The following RBM47 variants were observed in gnomAD, a reference collection of about 807,000 sequenced individuals.
RBM47 encodes RNA binding motif protein 47.
Under a neutral mutation model 47.1 loss-of-function variants are expected in RBM47, and 21 were observed. The ratio of observed to expected loss-of-function variants is 0.45; its 90% CI spans 0.32 to 0.64. RBM47 has a LOEUF of 0.64. Among genes scored for constraint, RBM47 ranks in the 30% least tolerant of loss-of-function variants. The pLI is 0.05. For synonymous variants in RBM47, 375 were observed against 361.7 expected (o/e 1.04, Z -0.42); for missense variants, 708 against 870.9 (o/e 0.81, Z 2.35).
At chr4:40,489,832 T>C (rs1421675123) in intron 2 of RBM47, among the ~76,000 whole-genome samples, 2 of 152,182 alleles carry the variant, frequency 1.3e-5, no homozygotes, top group African/African-American at 4.8e-5. Context: ...ATTACATGCA[T>C]AGAAAATACA....
rs145179094 is a variant in RBM47, at chr4:40,481,030, G to A, written c.-154-14331C>T. Among the ~76,000 whole-genome samples, 36 of 152,184 alleles carry A rather than the reference G, an allele frequency of 2.4e-4. No individual in the cohort carries two copies. In the East Asian group the frequency reaches 6.8e-3, roughly 29 times the overall value. On this transcript the variant is annotated intron_variant, in intron 2 of 6. Transcript: ENST00000295971. ...GAGCCAGGAGGAACAAGGCAGTCAG[G>A]TTAACAAGGGCTCAGGAAGTGTGTG...
chr4:40,608,481 A>G (rs1735960782), intron 1 of RBM47, among the ~76,000 whole-genome samples: 2 of 152,248 alleles, frequency 1.3e-5, no homozygotes, highest in Non-Finnish European at 2.9e-5. Context: ...CAGGCTCTAA[A>G]TTACCAACCT....
In RBM47 at chr4:40,425,575, T is replaced by G. The variant is rs1331082357; in HGVS notation, c.*329A>C. 3 of 190,510 alleles carry G rather than the reference T, an allele frequency of 1.6e-5. No homozygotes were observed. The highest frequency in any genetic ancestry group is 3.3e-5 in the Non-Finnish European group (3 of 90,942). 11.8% of individuals were successfully genotyped at this position (190,510 alleles called of 1,614,324 possible). A position where few individuals can be genotyped will look rare whatever the true frequency, so the allele number is the denominator to read the frequency against. On this transcript the variant is annotated 3_prime_UTR_variant, in exon 7 of 7. Transcript: ENST00000295971. ...CTCTGGAGTGCAGAAGTTAAGAAAA[T>G]AACCTTCATACTGAAAATATATCCT... is the stretch of plus-strand genomic sequence containing the variant.
intron 1 of RBM47, among the ~76,000 whole-genome samples, chr4:40,563,861 G>GA (rs1730854274): frequency 6.6e-6 from 1 of 152,190 alleles, no homozygotes; most frequent in East Asian, 1.9e-4. Flanking sequence ...TGAAAGTTAT[G>GA]AAAAATATAT....
chr4:40,603,711 C>A (rs4861280), intron 1 of RBM47, among the ~76,000 whole-genome samples: 29,550 of 152,032 alleles, frequency 0.19, 3,381 homozygotes, highest in Admixed American at 0.28. Context: ...AAGTGCTACT[C>A]CCACCTCAGC....
chr4:40,425,099 CGGTGG>C lies in RBM47; in HGVS notation c.*800_*804del, dbSNP rs1714841414. ...TCAGTCCTAGGCTTGCCAAACATTG[CGGTGG>C]GATTGGGAATCTGGGGAGGAGGGGA... On this transcript the variant is annotated 3_prime_UTR_variant, in exon 7 of 7. Coordinates refer to ENST00000295971, the MANE Select transcript of RBM47 (RefSeq NM_001098634.2). 6.6e-6 allele frequency: 1 copy of C among 152,360 alleles called. No homozygotes were observed. Among genetic ancestry groups the C allele is most frequent in the Admixed American group, 6.6e-5 (1 of 15,254 alleles). 9.4% of individuals were successfully genotyped at this position (152,360 alleles called of 1,614,324 possible).
intron 1 of RBM47, among the ~76,000 whole-genome samples, chr4:40,546,918 T>C (rs956433461): frequency 1.3e-5 from 2 of 152,170 alleles, no homozygotes; most frequent in African/African-American, 2.4e-5. Flanking sequence ...AAAAAGGGTA[T>C]GGATTTCCAA....
Position 40,454,095 on chromosome 4 carries a change from G to A in RBM47, c.-32+12482C>T, listed in dbSNP as rs568831417. On this transcript the variant is annotated intron_variant, in intron 3 of 6. Transcript: ENST00000295971. ...GTTGGCACATAATCCACAGCCATTC[G>A]TTTACATATAGTCTGTGGCTGCATT... 1.7e-4 allele frequency among the ~76,000 whole-genome samples: 26 copies of A among 152,258 alleles called. 1 individual carries two copies. The South Asian group carries it at 3.5e-3, about 21-fold the overall frequency.
chr4:40,431,185 G>C (rs966470371), intron 6 of RBM47, among the ~76,000 whole-genome samples: 6 of 152,186 alleles, frequency 3.9e-5, no homozygotes, highest in African/African-American at 1.4e-4. Flanking sequence ...CTGCCTCACA[G>C]AAAACAGCTT....
chr4:40,603,289 G>A (rs2154277772), intron 1 of RBM47, among the ~76,000 whole-genome samples: 1 of 152,174 alleles, frequency 6.6e-6, no homozygotes, highest in Admixed American at 6.5e-5. Flanking sequence ...ATAGTTGTTT[G>A]TTCTCATTTT....
At chr4:40,434,135 G>A (rs1284394964) in intron 5 of RBM47, among the ~76,000 whole-genome samples, 1 of 152,170 alleles carries the variant, frequency 6.6e-6, no homozygotes, top group East Asian at 1.9e-4. Flanking sequence ...AAATAGGACA[G>A]ACTCAATCAA....
At chr4:40,590,299 A>C (rs1215525651) in intron 1 of RBM47, among the ~76,000 whole-genome samples, 1 of 152,142 alleles carries the variant, frequency 6.6e-6, no homozygotes, top group African/African-American at 2.4e-5. Flanking sequence ...AGAGGATGAC[A>C]CAGGAGGATT....
At chr4:40,442,274 C>A (rs1024156998) in intron 3 of RBM47, among the ~76,000 whole-genome samples, 1 of 152,122 alleles carries the variant, frequency 6.6e-6, no homozygotes, top group Admixed American at 6.6e-5. Context: ...TCTCTTACAC[C>A]AACTACAAGT....
chr4:40,610,539 G>T (rs551791784), intron 1 of RBM47, among the ~76,000 whole-genome samples: 1 of 151,088 alleles, frequency 6.6e-6, no homozygotes, highest in Non-Finnish European at 1.5e-5. Context: ...GAACCCGGGC[G>T]GTGGAGCTTG....
chr4:40,429,242 T>C (rs1305774595), intron 6 of RBM47, among the ~76,000 whole-genome samples: 2 of 152,036 alleles, frequency 1.3e-5, no homozygotes, highest in Admixed American at 6.6e-5. Context: ...AATTTGGATA[T>C]GCCAACGAGG....
rs1713054021 is a variant in RBM47 at position 40,438,393 on chromosome 4, G to T, written c.501C>A (p.Ile167=). The T allele has an allele frequency of 6.2e-7, 1 of 1,613,020 alleles. No individual in the cohort carries two copies. Among genetic ancestry groups the T allele is most frequent in the Non-Finnish European group, 8.5e-7 (1 of 1,179,996 alleles). The change falls in exon 4 of 7, where the codon ATC becomes ATA. Residue 167 remains isoleucine, a synonymous_variant. Coordinates refer to ENST00000295971, the MANE Select transcript of RBM47 (RefSeq NM_001098634.2). Reference sequence around the variant, plus strand: ...CGGTGACCTTGGCAATCTCCTCCAGGATTTCCTCGCGCTTCTTCATCTTGG... The same window carrying T: ...CGGTGACCTTGGCAATCTCCTCCAGTATTTCCTCGCGCTTCTTCATCTTGG... ...GIPKMKKREE[I]LEEIAKVTEG...
At chr4:40,534,977 C>T (rs1333267929) in intron 2 of RBM47, among the ~76,000 whole-genome samples, 2 of 151,176 alleles carry the variant, frequency 1.3e-5, no homozygotes, top group East Asian at 3.9e-4. Context: ...CTCAGACTGA[C>T]GTAGGTATGT....
At chr4:40,626,937 G>T (rs1266861741) in intron 1 of RBM47, among the ~76,000 whole-genome samples, 12 of 152,170 alleles carry the variant, frequency 7.9e-5, no homozygotes, top group Non-Finnish European at 1.5e-4. Flanking sequence ...ACAATTCTCT[G>T]AAGGCTCCAA....
At chr4:40,537,273 A>G (rs893823526) in intron 2 of RBM47, among the ~76,000 whole-genome samples, 8 of 122,004 alleles carry the variant, frequency 6.6e-5, no homozygotes, top group African/African-American at 3.6e-4. Context: ...CACCATGCCC[A>G]GCTATTTTTT....
Sources: gnomAD v4.1 joint callset for allele counts (sites outside exome capture counted in the v4.1 genomes callset) on GRCh38, gnomAD v4.1.1 for gene constraint, MANE v1.5 for transcripts, NCBI Gene and HGNC (gene_info 2026-07-23, HGNC 2026-07-21) for gene names.